The following TBC1D5 variants were observed in gnomAD, a reference collection of about 807,000 sequenced individuals.
TBC1D5 encodes the protein TBC1 domain family, member 5.
Under a neutral mutation model 100.3 loss-of-function variants are expected in TBC1D5, and 75 were observed. The observed-to-expected ratio is 0.75, with a 90% CI of 0.62 to 0.91. The LOEUF (loss-of-function observed/expected upper bound fraction) is 0.91, where lower values mean the gene tolerates loss of function less well. Among genes scored for constraint, TBC1D5 ranks in the 40% least tolerant of loss-of-function variants. The probability of loss-of-function intolerance (pLI) is 0.00; values close to 1 mark genes in which losing one functional copy is unlikely to be tolerated. For synonymous variants in TBC1D5, 323 were observed against 325.6 expected (o/e 0.99, Z 0.09); for missense variants, 910 against 942.4 (o/e 0.97, Z 0.45).
chr3:17,411,218 C>G (rs1016124686), intron 4 of TBC1D5, among the ~76,000 whole-genome samples: 1 of 149,464 alleles, frequency 6.7e-6, no homozygotes, highest in Non-Finnish European at 1.5e-5. Flanking sequence ...TTTTTTTTTG[C>G]AATAAGGTAT....
intron 14 of TBC1D5, among the ~76,000 whole-genome samples, chr3:17,304,464 G>A (rs2083191850): frequency 6.6e-6 from 1 of 152,174 alleles, no homozygotes; most frequent in South Asian, 2.1e-4. Context: ...CTGGAGTGCA[G>A]AGGCGCAATC....
At chr3:17,503,956 T>C (rs1031871375) in intron 3 of TBC1D5, among the ~76,000 whole-genome samples, 1 of 149,242 alleles carries the variant, frequency 6.7e-6, no homozygotes, top group Non-Finnish European at 1.5e-5. Context: ...AAAGAAAACA[T>C]GGAATAAGTG....
At chr3:17,271,381 G>C (rs2079406831) in intron 15 of TBC1D5, among the ~76,000 whole-genome samples, 1 of 152,112 alleles carries the variant, frequency 6.6e-6, no homozygotes, top group Non-Finnish European at 1.5e-5. Context: ...TGGTGAAGGA[G>C]ATTACATTCT....
intron 13 of TBC1D5, among the ~76,000 whole-genome samples, chr3:17,341,852 C>T (rs2089006192): frequency 6.6e-6 from 1 of 152,102 alleles, no homozygotes; most frequent in Non-Finnish European, 1.5e-5. Flanking sequence ...TTACCTCTCT[C>T]CCACCCCAAC....
chr3:17,717,373 T>C (rs190735931), intron 1 of TBC1D5, among the ~76,000 whole-genome samples: 24 of 152,276 alleles, frequency 1.6e-4, no homozygotes, highest in Admixed American at 5.9e-4. Context: ...TTTGCGTAAC[T>C]ATAATGAGAG....
intron 2 of TBC1D5, among the ~76,000 whole-genome samples, chr3:17,516,289 G>T (rs1197015958): frequency 6.6e-6 from 1 of 151,752 alleles, no homozygotes; most frequent in Non-Finnish European, 1.5e-5. Context: ...ATTAGAATAA[G>T]TTTTTTTTAA....
At position 17,167,834 on chromosome 3, in the gene TBC1D5, A is replaced by C. The variant is rs1483558153; in HGVS notation, c.1853-6T>G. On this transcript the variant is annotated splice_polypyrimidine_tract_variant and splice_region_variant and intron_variant, in intron 19 of 21. Coordinates refer to ENST00000253692, the Ensembl canonical transcript of TBC1D5. ...TATCACATCTTGAATATTTACTGAA[A>C]ATAGAAGAATGACATTTTATAACCA... 8.2e-6 allele frequency: 13 copies of C among 1,578,376 alleles called. No individual in the cohort carries two copies. In the Admixed American group the frequency reaches 1.7e-4, roughly 21 times the overall value.
At chr3:17,182,698 A>T (rs570604353) in intron 19 of TBC1D5, among the ~76,000 whole-genome samples, 6 of 152,344 alleles carry the variant, frequency 3.9e-5, no homozygotes, top group African/African-American at 1.2e-4. Flanking sequence ...AATTAAAATT[A>T]TATTTAAACA....
At chr3:17,224,674 G>A (rs750010372) in intron 17 of TBC1D5, among the ~76,000 whole-genome samples, 3 of 152,086 alleles carry the variant, frequency 2.0e-5, no homozygotes, top group Non-Finnish European at 4.4e-5. Flanking sequence ...TGATATGTCT[G>A]GGAGAAATCT....
chr3:17,240,869 G>C (rs955814254), intron 16 of TBC1D5, among the ~76,000 whole-genome samples: 5 of 152,112 alleles, frequency 3.3e-5, no homozygotes, highest in African/African-American at 1.2e-4. Context: ...GAAACTGCTA[G>C]AGCATTATCA....
chr3:17,176,988 T>C (rs2067832623), intron 19 of TBC1D5, among the ~76,000 whole-genome samples: 1 of 152,128 alleles, frequency 6.6e-6, no homozygotes, highest in Non-Finnish European at 1.5e-5. Flanking sequence ...GCCACTGTGG[T>C]CACCCTTCAA....
intron 1 of TBC1D5, among the ~76,000 whole-genome samples, chr3:17,721,776 T>A (rs2075730267): frequency 6.6e-6 from 1 of 150,816 alleles, no homozygotes; most frequent in Admixed American, 6.6e-5. Flanking sequence ...AGCTCGGGAG[T>A]TCAAGACCAG....
At chr3:17,548,925 T>C (rs750774532) in intron 2 of TBC1D5, among the ~76,000 whole-genome samples, 7 of 152,354 alleles carry the variant, frequency 4.6e-5, no homozygotes, top group Admixed American at 2.0e-4. Context: ...AATTTACCTA[T>C]TGAAAATTAT....
intron 18 of TBC1D5, among the ~76,000 whole-genome samples, chr3:17,191,394 A>G (rs1420064027): frequency 1.3e-5 from 2 of 152,210 alleles, no homozygotes. Flanking sequence ...AACACTCAAT[A>G]AATGTGAATT....
At chr3:17,588,647 T>C (rs1345337026) in intron 2 of TBC1D5, among the ~76,000 whole-genome samples, 1 of 152,184 alleles carries the variant, frequency 6.6e-6, no homozygotes, top group East Asian at 1.9e-4. Flanking sequence ...TTTGAAGTTG[T>C]GCACTCCTAG....
chr3:17,212,218 T>C (rs1266770178), intron 18 of TBC1D5, among the ~76,000 whole-genome samples: 1 of 152,148 alleles, frequency 6.6e-6, no homozygotes, highest in Non-Finnish European at 1.5e-5. Context: ...TGCCACATAA[T>C]GATGTTTTGA....
chr3:17,364,852 A>C (rs1194420881), intron 13 of TBC1D5, among the ~76,000 whole-genome samples: 1 of 152,234 alleles, frequency 6.6e-6, no homozygotes, highest in Non-Finnish European at 1.5e-5. Context: ...AATTAGTAAC[A>C]ATGAACACTG....
intron 18 of TBC1D5, among the ~76,000 whole-genome samples, chr3:17,193,647 C>T (rs564519185): frequency 1.3e-5 from 2 of 152,268 alleles, no homozygotes; most frequent in South Asian, 2.1e-4. Context: ...TTTTATTCTT[C>T]GGGTCTACCT....
At chr3:17,617,501 G>A (rs962750480) in intron 2 of TBC1D5, among the ~76,000 whole-genome samples, 3 of 152,164 alleles carry the variant, frequency 2.0e-5, no homozygotes, top group African/African-American at 7.2e-5. Context: ...TTCCAACTTG[G>A]GTCCATTCTC....
Sources: gnomAD v4.1 joint callset for allele counts (sites outside exome capture counted in the v4.1 genomes callset) on GRCh38, gnomAD v4.1.1 for gene constraint, MANE v1.5 for transcripts, NCBI Gene and HGNC (gene_info 2026-07-23, HGNC 2026-07-21) for gene names.